RNF13: variants seen among roughly 807,000 people sequenced by gnomAD.
RNF13 encodes the protein E3 ubiquitin-protein ligase RNF13.
RNF13 carries 19 observed loss-of-function variants against 37.7 expected under a neutral mutation model. The ratio of observed to expected loss-of-function variants is 0.50; its 90% CI spans 0.35 to 0.74. RNF13 has a LOEUF of 0.74. Among genes scored for constraint, RNF13 ranks in the 30% least tolerant of loss-of-function variants. RNF13 has a pLI of 0.01. For missense variants in RNF13, 375 were observed against 453.0 expected (o/e 0.83, Z 1.56); for synonymous variants, 144 against 157.8 (o/e 0.91, Z 0.65).
intron 3 of RNF13, among the ~76,000 whole-genome samples, chr3:149,871,593 C>T (rs1293395382): frequency 6.6e-6 from 1 of 151,496 alleles, no homozygotes; most frequent in Admixed American, 6.6e-5. Flanking sequence ...ACTGTCTTTC[C>T]ACATACACCT....
chr3:149,860,270 A>AAAAATATATAT (rs1302318768), intron 3 of RNF13, among the ~76,000 whole-genome samples: 15 of 104,092 alleles, frequency 1.4e-4, no homozygotes, highest in African/African-American at 3.4e-4. Context: ...AAAAAAAAAA[A>AAAAATATATAT]ATATATATAT....
chr3:149,922,256 G>A (rs950526551), intron 8 of RNF13, among the ~76,000 whole-genome samples: 4 of 152,180 alleles, frequency 2.6e-5, no homozygotes, highest in African/African-American at 9.7e-5. Context: ...ACAGGTGTGA[G>A]CCACTGTGCC....
At chr3:149,918,289 A>G (rs1224568402) in intron 7 of RNF13, among the ~76,000 whole-genome samples, 1 of 152,140 alleles carries the variant, frequency 6.6e-6, no homozygotes, top group Non-Finnish European at 1.5e-5. Context: ...AGTCACATGT[A>G]CTTGGTGGCT....
At chr3:149,847,706 C>T (rs75449700) in intron 2 of RNF13, among the ~76,000 whole-genome samples, 1 of 152,160 alleles carries the variant, frequency 6.6e-6, no homozygotes, top group African/African-American at 2.4e-5. Flanking sequence ...TCCCTAAAAT[C>T]CTTAGAATAT....
intron 6 of RNF13, among the ~76,000 whole-genome samples, chr3:149,906,764 A>G (rs1716454239): frequency 6.9e-6 from 1 of 144,548 alleles, no homozygotes; most frequent in South Asian, 2.2e-4. Context: ...TGATCCTCCC[A>G]CTGCAGCCTC....
intron 3 of RNF13, among the ~76,000 whole-genome samples, chr3:149,864,973 A>C (rs1203231096): frequency 1.3e-5 from 2 of 152,194 alleles, no homozygotes; most frequent in Non-Finnish European, 2.9e-5. Flanking sequence ...TTGAAGTAGT[A>C]AACTTTGGGA....
rs939468937 is a variant in RNF13, at chr3:149,865,343, T to TATATATATATATATATATATATATA, written c.196-6678_196-6677insATATATATATATATATAATATATAT. Among the ~76,000 whole-genome samples the TATATATATATATATATATATATATA allele has an allele frequency of 1.4e-3, 213 of 147,068 alleles. 1 individual carries two copies. Among genetic ancestry groups the TATATATATATATATATATATATATA allele is most frequent in the Middle Eastern group, 7.1e-3 (2 of 280 alleles). The stretch of plus-strand genomic sequence containing the variant: ...GATGTTTTGGTGATATATATATATA[T>TATATATATATATATATATATATATA]ATATATATGTATAAAACAGACATTA... On this transcript the variant is annotated intron_variant, in intron 3 of 9. Coordinates refer to ENST00000392894, the MANE Select transcript of RNF13 (RefSeq NM_183381.3).
chr3:149,896,084 C>G (rs952795963), intron 5 of RNF13, among the ~76,000 whole-genome samples: 2 of 152,076 alleles, frequency 1.3e-5, no homozygotes, highest in African/African-American at 4.8e-5. Flanking sequence ...AAAAACGAGC[C>G]AATTTTAGTG....
At chr3:149,881,702 A>G (rs1713431275) in intron 4 of RNF13, among the ~76,000 whole-genome samples, 1 of 152,230 alleles carries the variant, frequency 6.6e-6, no homozygotes, top group Non-Finnish European at 1.5e-5. Flanking sequence ...TACTTGAAAC[A>G]AATAAGTATG....
intron 5 of RNF13, among the ~76,000 whole-genome samples, chr3:149,897,742 T>G (rs1374559190): frequency 6.6e-6 from 1 of 152,236 alleles, no homozygotes; most frequent in Non-Finnish European, 1.5e-5. Context: ...AAGCATAGAT[T>G]TATCAGAAGA....
chr3:149,913,381 A>G (rs530477074), intron 7 of RNF13, among the ~76,000 whole-genome samples: 1 of 152,296 alleles, frequency 6.6e-6, no homozygotes, highest in African/African-American at 2.4e-5. Flanking sequence ...ATTTACAGAA[A>G]GTTTGCAAAG....
chr3:149,819,056 G>A (rs971728251), intron 1 of RNF13, among the ~76,000 whole-genome samples: 1 of 152,232 alleles, frequency 6.6e-6, no homozygotes, highest in Non-Finnish European at 1.5e-5. Flanking sequence ...TTAGCTGGGT[G>A]ATTTTGCATA....
At chr3:149,903,539 G>A (rs573260322) in intron 6 of RNF13, among the ~76,000 whole-genome samples, 1 of 151,898 alleles carries the variant, frequency 6.6e-6, no homozygotes, top group Non-Finnish European at 1.5e-5. Context: ...ACCTTAATTA[G>A]TGATCACATG....
At chr3:149,909,385 C>G (rs1716750922) in intron 6 of RNF13, among the ~76,000 whole-genome samples, 1 of 151,472 alleles carries the variant, frequency 6.6e-6, no homozygotes, top group South Asian at 2.1e-4. Context: ...AGCTAAGTTT[C>G]CAGCCTTAGC....
chr3:149,817,688 ACC>A (rs1719605914), intron 1 of RNF13, among the ~76,000 whole-genome samples: 1 of 152,186 alleles, frequency 6.6e-6, no homozygotes, highest in African/African-American at 2.4e-5. Context: ...TAAGAGGCTT[ACC>A]ATTTTTCCCA....
At chr3:149,837,192 T>C (rs1307977376) in intron 1 of RNF13, among the ~76,000 whole-genome samples, 1 of 152,206 alleles carries the variant, frequency 6.6e-6, no homozygotes, top group Non-Finnish European at 1.5e-5. Context: ...AAAAGATCAC[T>C]GAAGAGTTAA....
intron 6 of RNF13, among the ~76,000 whole-genome samples, chr3:149,907,445 T>G (rs954544573): frequency 1.3e-5 from 2 of 152,246 alleles, no homozygotes; most frequent in South Asian, 4.1e-4. Flanking sequence ...TTCACTCTTT[T>G]AACTACTTTT....
chr3:149,834,061 A>T (rs1721340034), intron 1 of RNF13, among the ~76,000 whole-genome samples: 1 of 152,214 alleles, frequency 6.6e-6, no homozygotes, highest in Admixed American at 6.5e-5. Flanking sequence ...TAAACCAAGG[A>T]GGTGGAAGAA....
intron 8 of RNF13, among the ~76,000 whole-genome samples, chr3:149,949,720 C>T (rs1721126255): frequency 6.6e-6 from 1 of 151,046 alleles, no homozygotes; most frequent in Non-Finnish European, 1.5e-5. Context: ...TCTTCATTTT[C>T]CTTCATTCTT....
Sources: allele counts gnomAD v4.1 joint callset (sites outside exome capture counted in the v4.1 genomes callset), GRCh38; gene constraint gnomAD v4.1.1; transcripts MANE v1.5; gene names NCBI Gene and HGNC (gene_info 2026-07-23, HGNC 2026-07-21).